Variants in GSE1 observed in about 807,000 individuals in gnomAD.
GSE1 encodes the protein genetic suppressor element 1.
Under a neutral mutation model 112.6 loss-of-function variants are expected in GSE1, and 32 were observed. The ratio of observed to expected loss-of-function variants is 0.28; its 90% CI spans 0.21 to 0.38. The LOEUF is 0.38. GSE1 is among the 10% of genes least tolerant of loss of function. GSE1 has a pLI of 1.00. For synonymous variants in GSE1, 1,115 were observed against 735.6 expected (o/e 1.52, Z -8.35); for missense variants, 2,348 against 1,699.2 (o/e 1.38, Z -6.71).
At chr16:85,246,374 GCTGT>G (rs1905757314) in intron 1 of GSE1, among the ~76,000 whole-genome samples, 1 of 52,294 alleles carries the variant, frequency 1.9e-5, no homozygotes, top group Non-Finnish European at 3.6e-5. Context: ...CACACCACAC[GCTGT>G]CTACACACAC....
Position 85,634,072 on chromosome 16 carries a change from C to G in GSE1, c.166C>G (p.Pro56Ala). 6.2e-7 allele frequency: 1 copy of G among 1,604,888 alleles called. No homozygotes were observed. Among genetic ancestry groups the G allele is most frequent in the Non-Finnish European group, 8.5e-7 (1 of 1,176,362 alleles). Residue 56 changes from proline (P) to alanine (A), a missense_variant, in exon 2 of 16, where the codon CCA (proline) becomes GCA (alanine). By Grantham distance (27) the Pro-to-Ala change is conservative. Transcript: ENST00000253458. ...TSSALSAQAA[P>A]SSSFAAALRK... ...CAGCGCGCTGTCGGCCCAGGCCGCG[C>G]CATCCTCCAGCTTTGCCGCCGCGCT...
intron 1 of GSE1, among the ~76,000 whole-genome samples, chr16:85,348,405 C>T (rs184940419): frequency 3.9e-5 from 6 of 152,192 alleles, no homozygotes; most frequent in Non-Finnish European, 5.9e-5. Context: ...TCCACCTTTG[C>T]GGAGGAGGAA....
chr16:85,251,170 G>A (rs546004166), intron 1 of GSE1, among the ~76,000 whole-genome samples: 1 of 152,308 alleles, frequency 6.6e-6, no homozygotes, highest in Admixed American at 6.5e-5. Context: ...CCTTGGTATG[G>A]GGTTATGGCT....
chr16:85,329,361 G>A (rs2046291811), intron 1 of GSE1, among the ~76,000 whole-genome samples: 1 of 152,172 alleles, frequency 6.6e-6, no homozygotes, highest in Non-Finnish European at 1.5e-5. Flanking sequence ...TAGGGGCGGC[G>A]TGGGGAAGAC....
At chr16:85,331,838 G>A (rs554817247) in intron 1 of GSE1, among the ~76,000 whole-genome samples, 7 of 151,382 alleles carry the variant, frequency 4.6e-5, no homozygotes, top group South Asian at 2.1e-4. Flanking sequence ...ATGAGTCACC[G>A]CGCCCAGCTA....
At chr16:85,394,468 C>G (rs761722794) in intron 2 of GSE1, among the ~76,000 whole-genome samples, 5 of 152,258 alleles carry the variant, frequency 3.3e-5, no homozygotes, top group African/African-American at 9.6e-5. Flanking sequence ...CCCTTTAAAG[C>G]GAATGATTTG....
chr16:85,571,851 A>T (rs2045995331), intron 1 of GSE1, among the ~76,000 whole-genome samples: 2 of 152,128 alleles, frequency 1.3e-5, no homozygotes, highest in African/African-American at 4.8e-5. Context: ...AATCTGAGAG[A>T]CGGTGGCTGT....
At chr16:85,304,026 C>G (rs748597581) in intron 1 of GSE1, among the ~76,000 whole-genome samples, 1 of 152,170 alleles carries the variant, frequency 6.6e-6, no homozygotes, top group Non-Finnish European at 1.5e-5. Flanking sequence ...GAAGCGAGGC[C>G]CAGATAAGAG....
At chr16:85,621,030 C>T (rs1044255971) in intron 1 of GSE1, among the ~76,000 whole-genome samples, 3 of 151,944 alleles carry the variant, frequency 2.0e-5, no homozygotes, top group African/African-American at 7.3e-5. Flanking sequence ...TGGTCTCAGC[C>T]CTGGGTCTCT....
chr16:85,172,426 C>G (rs1436634011), intron 1 of GSE1, among the ~76,000 whole-genome samples: 1 of 152,236 alleles, frequency 6.6e-6, no homozygotes, highest in Non-Finnish European at 1.5e-5. Context: ...AGAGTCTTTC[C>G]TCTCTGCAAG....
At chr16:85,651,925 C>T (rs949486758) in intron 3 of GSE1, among the ~76,000 whole-genome samples, 1 of 152,234 alleles carries the variant, frequency 6.6e-6, no homozygotes, top group African/African-American at 2.4e-5. Context: ...AAGTCCATCC[C>T]AGACCCTAGG....
intron 1 of GSE1, among the ~76,000 whole-genome samples, chr16:85,269,669 G>A (rs1908631199): frequency 2.0e-5 from 3 of 149,180 alleles, no homozygotes; most frequent in Admixed American, 1.3e-4. Context: ...CCAGCCTTCA[G>A]TGCCCACCTT....
rs2048509786 is a variant in GSE1 at position 85,618,324 on chromosome 16, A to C, written c.7+4926A>C. 2.0e-5 allele frequency among the ~76,000 whole-genome samples: 3 copies of C among 152,044 alleles called. No individual in the cohort carries two copies. The South Asian group carries it at 6.2e-4, about 32-fold the overall frequency. On this transcript the variant is annotated intron_variant, in intron 1 of 15. Transcript: ENST00000253458. ...GGATGCAGAGGCCCTCTGGCAGTTG[A>C]GGGTGAGGATGAGATGCTGTAATGC...
chr16:85,669,585 A>T (rs2053161825), intron 14 of GSE1, among the ~76,000 whole-genome samples: 1 of 152,136 alleles, frequency 6.6e-6, no homozygotes, highest in African/African-American at 2.4e-5. Context: ...ACTCGTATAT[A>T]TCCAGAAGCA....
chr16:85,672,027 C>G, intron 15 of GSE1: 1 of 215,738 alleles, frequency 4.6e-6, no homozygotes, highest in South Asian at 5.5e-5. Context: ...GAGGCGAAGT[C>G]TCACTCTGTC....
intron 1 of GSE1, among the ~76,000 whole-genome samples, chr16:85,244,089 G>A (rs1378336966): frequency 6.6e-6 from 1 of 152,170 alleles, no homozygotes; most frequent in Non-Finnish European, 1.5e-5. Context: ...TTGCACCATT[G>A]CACTCCAGCT....
intron 1 of GSE1, among the ~76,000 whole-genome samples, chr16:85,578,817 G>GCT (rs1170294578): frequency 6.6e-6 from 1 of 151,652 alleles, no homozygotes; most frequent in African/African-American, 2.4e-5. Context: ...CACCTTTGAG[G>GCT]CTCTCTGGCC....
chr16:85,219,233 C>T (rs894243088), intron 1 of GSE1, among the ~76,000 whole-genome samples: 6 of 151,816 alleles, frequency 4.0e-5, no homozygotes, highest in Non-Finnish European at 5.9e-5. Context: ...AGGCTGGTCT[C>T]GAACTCCTGA....
intron 1 of GSE1, among the ~76,000 whole-genome samples, chr16:85,239,072 C>T (rs760671088): frequency 6.6e-6 from 1 of 152,234 alleles, no homozygotes; most frequent in Non-Finnish European, 1.5e-5. Flanking sequence ...GGATTATAGG[C>T]ACCCGCCACC....
Sources: allele counts gnomAD v4.1 joint callset (sites outside exome capture counted in the v4.1 genomes callset), GRCh38; gene constraint gnomAD v4.1.1; transcripts MANE v1.5; gene names NCBI Gene and HGNC (gene_info 2026-07-23, HGNC 2026-07-21).